The following SLC8A1 variants were observed in gnomAD, a reference collection of about 807,000 sequenced individuals.
SLC8A1 encodes the protein solute carrier family 8 member A1, also known as sodium/calcium exchanger 1.
SLC8A1 carries 18 observed loss-of-function variants against 68.3 expected under a neutral mutation model. That is an observed-to-expected ratio of 0.26 (90% CI 0.18 to 0.39). The LOEUF is 0.39. SLC8A1 is among the 10% of genes least tolerant of loss of function. SLC8A1 has a pLI of 1.00. For missense variants in SLC8A1, 985 were observed against 1,156.7 expected, an observed-to-expected ratio of 0.85 and a Z score of 2.15; for synonymous variants, 475 against 415.5, an observed-to-expected ratio of 1.14 and a Z score of -1.74.
intron 2 of SLC8A1, among the ~76,000 whole-genome samples, chr2:40,278,496 CAA>C (rs1299241690): frequency 9.1e-5 from 12 of 131,982 alleles, no homozygotes; most frequent in African/African-American, 3.7e-4. Flanking sequence ...CAAAACAAAA[CAA>C]AACAAAAAGA....
At chr2:40,274,621 A>G (rs2066473469) in intron 2 of SLC8A1, among the ~76,000 whole-genome samples, 1 of 152,214 alleles carries the variant, frequency 6.6e-6, no homozygotes, top group Admixed American at 6.5e-5. Context: ...TTCCGTTTTT[A>G]CTGTAGGGAA....
At chr2:40,447,193 A>C (rs1372143107) in intron 1 of SLC8A1, among the ~76,000 whole-genome samples, 3 of 152,238 alleles carry the variant, frequency 2.0e-5, no homozygotes, top group Non-Finnish European at 4.4e-5. Flanking sequence ...TTTCTAGGTT[A>C]CGGGCATTAA....
upstream of SLC8A1, among the ~76,000 whole-genome samples, chr2:40,452,370 C>G (rs948606263): frequency 1.3e-4 from 20 of 152,228 alleles, no homozygotes; most frequent in African/African-American, 4.6e-4. Context: ...GCCTCCCAGC[C>G]TCTGCCGGCG....
chr2:40,383,986 T>C (rs2149566104), intron 2 of SLC8A1, among the ~76,000 whole-genome samples: 1 of 152,188 alleles, frequency 6.6e-6, no homozygotes, highest in South Asian at 2.1e-4. Flanking sequence ...ACTGGCCAGG[T>C]GCAGTGACTC....
intron 6 of SLC8A1, among the ~76,000 whole-genome samples, chr2:40,145,148 A>G (rs1199379791): frequency 9.9e-5 from 15 of 151,898 alleles, no homozygotes; most frequent in Admixed American, 9.2e-4. Flanking sequence ...CTTTTCAAAC[A>G]TATATATTTT....
intron 2 of SLC8A1, among the ~76,000 whole-genome samples, chr2:40,380,615 C>G (rs1681430278): frequency 6.6e-6 from 1 of 152,064 alleles, no homozygotes; most frequent in Non-Finnish European, 1.5e-5. Flanking sequence ...AAGAACACTT[C>G]AACATCCTAA....
intron 5 of SLC8A1, among the ~76,000 whole-genome samples, chr2:40,163,236 C>A (rs963738800): frequency 3.9e-5 from 6 of 152,152 alleles, no homozygotes; most frequent in Non-Finnish European, 5.9e-5. Context: ...GCCTGGAAGA[C>A]TGTGCCCGGC....
exon 2 of SLC8A1, chr2:40,430,217 T>C (rs1697939794): frequency 6.2e-7 from 1 of 1,613,654 alleles, no homozygotes; most frequent in Non-Finnish European, 8.5e-7. Flanking sequence ...AGACTCACAG[T>C]AACTAACAGA....
chr2:40,148,979 G>A (rs1164685194), intron 6 of SLC8A1, among the ~76,000 whole-genome samples: 2 of 152,052 alleles, frequency 1.3e-5, no homozygotes, highest in South Asian at 2.1e-4. Flanking sequence ...GCATCACGAT[G>A]TTGTGATGTT....
exon 2 of SLC8A1, chr2:40,430,294 G>C (rs762767743): frequency 6.3e-7 from 1 of 1,590,814 alleles, no homozygotes; most frequent in Non-Finnish European, 8.6e-7. Context: ...ACTTCCAACT[G>C]TCACAACCTA....
At chr2:40,436,664 T>C (rs1489144591) in intron 1 of SLC8A1, among the ~76,000 whole-genome samples, 1 of 152,104 alleles carries the variant, frequency 6.6e-6, no homozygotes, top group East Asian at 1.9e-4. Flanking sequence ...AAAAGACACA[T>C]ATTCAAGCAC....
intron 2 of SLC8A1, among the ~76,000 whole-genome samples, chr2:40,363,613 G>C (rs1675211073): frequency 6.6e-6 from 1 of 152,118 alleles, no homozygotes; most frequent in East Asian, 1.9e-4. Flanking sequence ...TTGTTCAGTA[G>C]TTATTTATTT....
intron 2 of SLC8A1, among the ~76,000 whole-genome samples, chr2:40,201,857 C>G (rs1391445761): frequency 6.6e-6 from 1 of 151,936 alleles, no homozygotes; most frequent in African/African-American, 2.4e-5. Flanking sequence ...GGTCATAACA[C>G]AAACTATTGG....
intron 2 of SLC8A1, among the ~76,000 whole-genome samples, chr2:40,225,671 T>C (rs1431909285): frequency 6.6e-6 from 1 of 152,162 alleles, no homozygotes; most frequent in African/African-American, 2.4e-5. Context: ...TGCCTATGTC[T>C]GTTAAATCCT....
chr2:40,389,207 G>A (rs1239419027), intron 2 of SLC8A1, among the ~76,000 whole-genome samples: 1 of 151,896 alleles, frequency 6.6e-6, no homozygotes, highest in East Asian at 1.9e-4. Context: ...GAGGCTATAC[G>A]GACAATTTGT....
chr2:40,234,232 C>T (rs1040775819), intron 2 of SLC8A1, among the ~76,000 whole-genome samples: 9 of 151,980 alleles, frequency 5.9e-5, no homozygotes, highest in Admixed American at 2.0e-4. Flanking sequence ...TACCCATGAG[C>T]ATGGAATGTT....
At chr2:40,266,165 T>A (rs1028846208) in intron 2 of SLC8A1, among the ~76,000 whole-genome samples, 2 of 152,184 alleles carry the variant, frequency 1.3e-5, no homozygotes, top group African/African-American at 4.8e-5. Flanking sequence ...TGTGCATTTT[T>A]AAAAATTGCT....
At chr2:40,331,752 C>A (rs1339609907) in intron 2 of SLC8A1, among the ~76,000 whole-genome samples, 2 of 151,916 alleles carry the variant, frequency 1.3e-5, no homozygotes, top group Non-Finnish European at 2.9e-5. Flanking sequence ...CACCACTGTG[C>A]CCATCTAATT....
At chr2:40,246,115 G>A (rs1388235099) in intron 2 of SLC8A1, among the ~76,000 whole-genome samples, 1 of 151,868 alleles carries the variant, frequency 6.6e-6, no homozygotes, top group African/African-American at 2.4e-5. Flanking sequence ...TTCTGCTTAG[G>A]CAATACTTAA....
Sources: allele counts gnomAD v4.1 joint callset (sites outside exome capture counted in the v4.1 genomes callset), GRCh38; gene constraint gnomAD v4.1.1; transcripts MANE v1.5; gene names NCBI Gene and HGNC (gene_info 2026-07-23, HGNC 2026-07-21).